The following TRAT1 variants were observed in gnomAD, a reference collection of about 807,000 sequenced individuals.
The protein encoded by TRAT1 is T cell receptor associated transmembrane adaptor 1.
Under a neutral mutation model 20.0 loss-of-function variants are expected in TRAT1, and 20 were observed. The observed-to-expected ratio is 1.00, with a 90% CI of 0.70 to 1.45. TRAT1 has a LOEUF of 1.45. TRAT1 is among the 40% of genes most tolerant of loss of function. The probability of loss-of-function intolerance (pLI) is 0.00; values close to 1 mark genes in which losing one functional copy is unlikely to be tolerated. For missense variants in TRAT1, 237 were observed against 224.1 expected, an observed-to-expected ratio of 1.06 and a Z score of -0.37; for synonymous variants, 77 against 74.2, an observed-to-expected ratio of 1.04 and a Z score of -0.20.
At chr3:108,841,710 G>A (rs1175497066) in intron 3 of TRAT1, among the ~76,000 whole-genome samples, 3 of 152,056 alleles carry the variant, frequency 2.0e-5, no homozygotes, top group African/African-American at 4.8e-5. Context: ...GCAACAGTAC[G>A]TCAGAAACAT....
intron 2 of TRAT1, among the ~76,000 whole-genome samples, chr3:108,833,515 G>A (rs1421153688): frequency 1.3e-5 from 2 of 152,118 alleles, no homozygotes; most frequent in African/African-American, 4.8e-5. Context: ...CCCCAAGCAT[G>A]CCATAAGCAG....
At chr3:108,833,559 C>T (rs1370432373) in intron 2 of TRAT1, among the ~76,000 whole-genome samples, 1 of 152,094 alleles carries the variant, frequency 6.6e-6, no homozygotes, top group Non-Finnish European at 1.5e-5. Context: ...ATGGAAAGAA[C>T]ATTTTTAAGA....
chr3:108,823,310 A>G (rs1945709425), intron 1 of TRAT1, among the ~76,000 whole-genome samples: 1 of 152,186 alleles, frequency 6.6e-6, no homozygotes, highest in South Asian at 2.1e-4. Flanking sequence ...GAGATTAGGC[A>G]CTATAGTATT....
rs1195982397 is a variant in TRAT1, at chr3:108,838,950, C to T, written c.135C>T (p.Tyr45=). The T allele has an allele frequency of 3.7e-6, 6 of 1,607,640 alleles. No individual in the cohort carries two copies. Among genetic ancestry groups the T allele is most frequent in the Middle Eastern group, 1.7e-4 (1 of 6,048 alleles). ...EKQRQDKMYS[Y]SSDHTRVDEY... is the part of the protein sequence containing the mutation. Reference sequence around the variant, plus strand: ...ATCTTTCAGATAAAATGTACAGCTACTCCAGTGACCACACCAGGTATGTTG... The same window carrying T: ...ATCTTTCAGATAAAATGTACAGCTATTCCAGTGACCACACCAGGTATGTTG... Residue 45 remains tyrosine (Y), a synonymous_variant, in exon 3 of 6, where the codon TAC becomes TAT. Transcript: ENST00000295756.
intron 3 of TRAT1, among the ~76,000 whole-genome samples, chr3:108,840,537 T>TA (rs5851619): frequency 0.5 from 68,920 of 137,016 alleles, 17,954 homozygotes; most frequent in East Asian, 0.87. Context: ...AGGGCAAATG[T>TA]AAAAAAAAAA....
intron 2 of TRAT1, among the ~76,000 whole-genome samples, chr3:108,832,054 GA>G (rs1945799102): frequency 1.3e-5 from 2 of 152,254 alleles, no homozygotes; most frequent in East Asian, 1.9e-4. Context: ...GCTTCACTTA[GA>G]AATATCTTAA....
chr3:108,843,936 C>T (rs1945917393), intron 3 of TRAT1, among the ~76,000 whole-genome samples: 1 of 152,184 alleles, frequency 6.6e-6, no homozygotes, highest in Non-Finnish European at 1.5e-5. Flanking sequence ...ATCACAGTTC[C>T]CAGGGCCTCA....
At chr3:108,852,414 C>T (rs1001206385) in intron 5 of TRAT1, among the ~76,000 whole-genome samples, 7 of 152,102 alleles carry the variant, frequency 4.6e-5, no homozygotes, top group Non-Finnish European at 1.5e-5. Context: ...CACACACACA[C>T]ACACACACAG....
chr3:108,838,879 T>C (rs1201029031), intron 2 of TRAT1, 55 bp from the exon 3 acceptor site: 1 of 1,364,912 alleles, frequency 7.3e-7, no homozygotes, highest in Non-Finnish European at 1.0e-6. Context: ...TTTAGAATAT[T>C]TAACAAAGGT....
At chr3:108,826,330 C>T (rs1371434613) in intron 1 of TRAT1, among the ~76,000 whole-genome samples, 1 of 152,104 alleles carries the variant, frequency 6.6e-6, no homozygotes, top group Non-Finnish European at 1.5e-5. Context: ...ACAGCCCACT[C>T]CCCAACACAC....
At position 108,830,666 on chromosome 3, in the gene TRAT1, C is replaced by A; in HGVS notation, c.8-4C>A. The A allele has an allele frequency of 6.3e-7, 1 of 1,594,814 alleles. No individual in the cohort carries two copies. Among genetic ancestry groups the A allele is most frequent in the Non-Finnish European group, 8.6e-7 (1 of 1,162,562 alleles). On this transcript the variant is annotated splice_polypyrimidine_tract_variant and splice_region_variant and intron_variant, in intron 1 of 5. Transcript: ENST00000295756. ...ATTATGTGTATGTTTATTTTAATTTCCAGGAATCTCTGGGTGCCCCTTTTT... is the reference window on the plus strand; with the variant it reads ...ATTATGTGTATGTTTATTTTAATTTACAGGAATCTCTGGGTGCCCCTTTTT...
chr3:108,832,726 A>AATTGACCCTT (rs1437822435), intron 2 of TRAT1, among the ~76,000 whole-genome samples: 1 of 152,192 alleles, frequency 6.6e-6, no homozygotes, highest in African/African-American at 2.4e-5. Context: ...CTGAGGGGCC[A>AATTGACCCTT]GGTAACAGGT....
intron 2 of TRAT1, among the ~76,000 whole-genome samples, chr3:108,832,851 A>T (rs754741560): frequency 2.0e-4 from 31 of 152,184 alleles, no homozygotes; most frequent in Non-Finnish European, 3.8e-4. Context: ...TGATTGCATG[A>T]ATTATGGATG....
chr3:108,830,850 T>C lies in TRAT1; in HGVS notation c.118+70T>C, dbSNP rs182831264. ...GACTATGGAGTCACTGGAAAACCTA[T>C]GGAAGCAGACAATTTTATGAAATGT... On this transcript the variant is annotated intron_variant, in intron 2 of 5. Coordinates refer to ENST00000295756, the MANE Select transcript of TRAT1 (RefSeq NM_016388.4). The C allele has an allele frequency of 5.6e-5, 53 of 941,008 alleles. No homozygotes were observed. In the Middle Eastern group the frequency reaches 2.2e-3, roughly 39 times the overall value. The allele number at this position is 941,008 out of a possible 1,614,324, so 58.3% of individuals were successfully genotyped here.
At chr3:108,829,445 G>A (rs559984180) in intron 1 of TRAT1, among the ~76,000 whole-genome samples, 18 of 152,008 alleles carry the variant, frequency 1.2e-4, no homozygotes, top group South Asian at 2.1e-4. Context: ...TTAGCCAGGC[G>A]TGGTGGTGCA....
chr3:108,847,121 T>C lies in TRAT1; in HGVS notation c.206T>C (p.Met69Thr). The change falls in exon 4 of 6, where the codon ATG becomes ACG. Residue 69 changes from methionine to threonine, a missense_variant. Physicochemically the swap from Met to Thr is moderately conservative, Grantham distance 81. Coordinates refer to ENST00000295756, the MANE Select transcript of TRAT1 (RefSeq NM_016388.4). Reference sequence around the variant, plus strand: ...CCAATTTATGGTAACTTAGATGATATGATTTCAGGTAAGTTTTCCATAAGT... The same window carrying C: ...CCAATTTATGGTAACTTAGATGATACGATTTCAGGTAAGTTTTCCATAAGT... ...DTPIYGNLDD[M>T]ISEPMDENCY... 2.6e-6 allele frequency: 4 copies of C among 1,540,938 alleles called. No homozygotes were observed. Among genetic ancestry groups the C allele is most frequent in the East Asian group, 2.3e-5 (1 of 43,662 alleles).
intron 2 of TRAT1, among the ~76,000 whole-genome samples, chr3:108,838,344 GATATAGATAGATGATAGATAGAT>G (rs1160617872): frequency 0.013 from 1,172 of 86,844 alleles, 25 homozygotes; most frequent in African/African-American, 0.071. Flanking sequence ...ATAGATGATA[GATATAGATAGATGATAGATAGAT>G]AGATAGATAG....
chr3:108,844,319 ATT>A (rs1163841021), intron 3 of TRAT1, among the ~76,000 whole-genome samples: 12 of 142,978 alleles, frequency 8.4e-5, no homozygotes, highest in Admixed American at 1.4e-4. Context: ...AGAAGTAGTG[ATT>A]TTTTTTTTTT....
Position 108,848,320 on chromosome 3 carries a change from G to T in TRAT1, c.215-846G>T, listed in dbSNP as rs140785942. 1.5e-4 allele frequency among the ~76,000 whole-genome samples: 23 copies of T among 152,304 alleles called. No individual in the cohort carries two copies. The East Asian group carries it at 1.9e-3, about 13-fold the overall frequency. On this transcript the variant is annotated intron_variant, in intron 4 of 5. Transcript: ENST00000295756. Reference sequence around the variant, plus strand: ...ACACCACTCTACATACCCTTTCTCTGTGTTGCTTTTCAGAAAGAGCTCAAT... The same window carrying T: ...ACACCACTCTACATACCCTTTCTCTTTGTTGCTTTTCAGAAAGAGCTCAAT...
Sources: gnomAD v4.1 joint callset for allele counts (sites outside exome capture counted in the v4.1 genomes callset) on GRCh38, gnomAD v4.1.1 for gene constraint, MANE v1.5 for transcripts, NCBI Gene and HGNC (gene_info 2026-07-23, HGNC 2026-07-21) for gene names.